The following PLCD3 variants were observed in gnomAD, a reference collection of about 807,000 sequenced individuals.
PLCD3 encodes the protein 1-phosphatidylinositol 4,5-bisphosphate phosphodiesterase delta-3.
A neutral mutation model predicts 82.8 loss-of-function variants in PLCD3; 62 were observed. The observed-to-expected ratio is 0.75, with a 90% CI of 0.61 to 0.93. The LOEUF (loss-of-function observed/expected upper bound fraction) is 0.93. Ranked by LOEUF, PLCD3 falls within the 40% of genes least tolerant of loss-of-function variation. The pLI, the probability that PLCD3 is intolerant of heterozygous loss-of-function variation, is 0.00. For synonymous variants in PLCD3, 478 were observed against 471.8 expected (o/e 1.01, Z -0.17); for missense variants, 1,023 against 1,103.4 (o/e 0.93, Z 1.03).
At chr17:45,130,667 A>G (rs1186765172) in intron 1 of PLCD3, among the ~76,000 whole-genome samples, 1 of 150,896 alleles carries the variant, frequency 6.6e-6, no homozygotes, top group African/African-American at 2.4e-5. Flanking sequence ...TGCCCAACTA[A>G]CTCCTCAGCC....
intron 3 of PLCD3, among the ~76,000 whole-genome samples, 188 bp downstream of exon 3, chr17:45,120,714 G>A (rs1034625281): frequency 1.3e-5 from 2 of 152,176 alleles, no homozygotes; most frequent in Admixed American, 1.3e-4. Context: ...CCTCCTGGTG[G>A]GAGCTTGGGC....
In PLCD3 at chr17:45,115,454, A is replaced by G. The variant is rs713101; in HGVS notation, c.1450T>C (p.Leu484=). The G allele has an allele frequency of 0.56, 902,234 of 1,610,702 alleles. 254,244 individuals carry two copies. Among genetic ancestry groups the G allele is most frequent in the East Asian group, 0.68 (30,334 of 44,750 alleles). ...KGRVLVKGKK[L]PAARSEDGRA... is the part of the protein sequence containing the mutation. ...CCATCCTCGCTCCGAGCAGCGGGCA[A>G]CTTCTTTCCCTTCACCAGGACCCGG... Residue 484 remains leucine, a synonymous_variant, in exon 9 of 15, where the codon TTG becomes CTG. Transcript: ENST00000619929.
At chr17:45,117,774 C>A (rs1354154180) in intron 7 of PLCD3, among the ~76,000 whole-genome samples, 1 of 152,176 alleles carries the variant, frequency 6.6e-6, no homozygotes, top group Non-Finnish European at 1.5e-5. Flanking sequence ...TAGGACATTT[C>A]CCAAATATGA....
At chr17:45,127,969 G>C (rs542987115) in intron 1 of PLCD3, among the ~76,000 whole-genome samples, 6 of 152,184 alleles carry the variant, frequency 3.9e-5, no homozygotes, top group African/African-American at 1.2e-4. Context: ...CTGTGGCCAA[G>C]GCCGAGCAGG....
chr17:45,113,074 C>G (rs981707780), intron 13 of PLCD3, 48 bp downstream of exon 13: 1 of 1,609,752 alleles, frequency 6.2e-7, no homozygotes, highest in African/African-American at 1.3e-5. Context: ...CACCACCCTT[C>G]GCTCTCTGCA....
Position 45,126,347 on chromosome 17 carries a change from A to ATTTTTT in PLCD3, c.164-4981_164-4976dup, listed in dbSNP as rs398030937. ...AGGCATGAGCCACTGCGCCCAGCCTATTTTTTTTTTTTTTTTTTTTTTTTG... is the reference window on the plus strand; with the variant it reads ...AGGCATGAGCCACTGCGCCCAGCCTATTTTTTTTTTTTTTTTTTTTTTTTTTTTTTG... On this transcript the variant is annotated intron_variant, in intron 1 of 14. Coordinates refer to ENST00000619929, the MANE Select transcript of PLCD3 (RefSeq NM_133373.5). Among the ~76,000 whole-genome samples, 72 of 79,066 alleles carry ATTTTTT rather than the reference A, an allele frequency of 9.1e-4. 5 individuals carry two copies. Among genetic ancestry groups the ATTTTTT allele is most frequent in the African/African-American group, 2.2e-3 (37 of 16,624 alleles). The allele number at this position is 79,066 out of a possible 152,430, so 51.9% of individuals were successfully genotyped here. A position where few individuals can be genotyped will look rare whatever the true frequency, so the allele number is the denominator to read the frequency against.
In PLCD3 at chr17:45,132,378, G is replaced by C; in HGVS notation, c.33C>G (p.Arg11=). Residue 11 remains arginine (R), a synonymous_variant, in exon 1 of 15, where the codon CGC becomes CGG. Transcript: ENST00000619929. The surrounding 1 kb of genome is among the most constrained non-coding windows in gnomAD (Gnocchi z 4.6). MLCGRWRRCR[R]PPEEPPVAAQ... is the part of the protein sequence containing the mutation. Reference sequence around the variant, plus strand: ...CGGCCACCGGGGGCTCCTCGGGCGGGCGGCGGCAACGCCTCCAGCGGCCGC... The same window carrying C: ...CGGCCACCGGGGGCTCCTCGGGCGGCCGGCGGCAACGCCTCCAGCGGCCGC... The C allele has an allele frequency of 8.1e-7, 1 of 1,227,894 alleles. No individual in the cohort carries two copies. Among genetic ancestry groups the C allele is most frequent in the South Asian group, 4.1e-5 (1 of 24,318 alleles). 76.1% of individuals were successfully genotyped at this position (1,227,894 alleles called of 1,614,324 possible).
In PLCD3 at chr17:45,116,797, G is replaced by A. The variant is rs2054295650; in HGVS notation, c.1261-13C>T. On this transcript the variant is annotated splice_polypyrimidine_tract_variant and intron_variant, in intron 7 of 14. Coordinates refer to ENST00000619929, the MANE Select transcript of PLCD3 (RefSeq NM_133373.5). ...GGTAAGGGGACAGCTGTGGGGGGAA[G>A]GGCAGCAGCTCAGAGCCACTCCCCT... 2.5e-6 allele frequency: 4 copies of A among 1,577,006 alleles called. No homozygotes were observed. Among genetic ancestry groups the A allele is most frequent in the Non-Finnish European group, 3.4e-6 (4 of 1,159,448 alleles).
rs1232111274 is a variant in PLCD3, at chr17:45,110,886, G to GACAC, written c.*1726_*1729dup. ...CCACTCCCAGCATGAAGGAGCGGGG[G>GACAC]ACACTGCCACTTTCTGCATTAGTTC... On this transcript the variant is annotated 3_prime_UTR_variant, in exon 15 of 15. Transcript: ENST00000619929. 6.6e-6 allele frequency: 1 copy of GACAC among 152,264 alleles called. No homozygotes were observed. The highest frequency in any genetic ancestry group is 2.4e-5 in the African/African-American group (1 of 41,454). The allele number at this position is 152,264 out of a possible 1,614,324, so 9.4% of individuals were successfully genotyped here. A position where few individuals can be genotyped will look rare whatever the true frequency, so the allele number is the denominator to read the frequency against.
In PLCD3 at chr17:45,121,070, A is replaced by G; in HGVS notation, c.386T>C (p.Phe129Ser). The G allele has an allele frequency of 6.5e-7, 1 of 1,542,642 alleles. No homozygotes were observed. The stretch of plus-strand genomic sequence containing the variant: ...GCGCGCTGGCGCGAAGGCACCCCCG[A>G]AGCGCCGCAGGCCCTCGGACTGGTG... Reference protein sequence around the residue: ...EGHQSEGLRRFGGAFAPARCL... With the variant: ...EGHQSEGLRRSGGAFAPARCL... The change falls in exon 3 of 15, where the codon TTC (phenylalanine) becomes TCC (serine). Residue 129 changes from phenylalanine to serine, a missense_variant. Transcript: ENST00000619929.
intron 12 of PLCD3, 75 bp from the exon 13 acceptor site, chr17:45,113,332 AC>A: frequency 1.3e-6 from 2 of 1,550,022 alleles, no homozygotes; most frequent in Non-Finnish European, 1.7e-6. Flanking sequence ...AGCTCACACC[AC>A]CCTCACTTCC....
chr17:45,119,319 G>A (rs372518427), intron 4 of PLCD3, among the ~76,000 whole-genome samples: 16 of 152,282 alleles, frequency 1.1e-4, no homozygotes, highest in African/African-American at 3.6e-4. Flanking sequence ...CTTCCAACGC[G>A]TGATCTCAAG....
At chr17:45,120,548 T>A (rs2054328288) in intron 3 of PLCD3, 94 bp from the exon 4 acceptor site, 1 of 1,542,074 alleles carries the variant, frequency 6.5e-7, no homozygotes, top group African/African-American at 1.4e-5. Context: ...GTCTGGGGGA[T>A]CCCCAGTTTA....
rs2054251837 is a variant in PLCD3, at chr17:45,112,556, G to A, written c.*60C>T. Reference sequence around the variant, plus strand: ...CACCACCTGACTCCAGAGGAGGAGAGGGCTCTGCAGGGGATGTGGACTGGC... The same window carrying A: ...CACCACCTGACTCCAGAGGAGGAGAAGGCTCTGCAGGGGATGTGGACTGGC... On this transcript the variant is annotated 3_prime_UTR_variant, in exon 15 of 15. Transcript: ENST00000619929. The A allele has an allele frequency of 6.7e-7, 1 of 1,487,250 alleles. No individual in the cohort carries two copies. Among genetic ancestry groups the A allele is most frequent in the African/African-American group, 1.4e-5 (1 of 71,786 alleles). The allele number at this position is 1,487,250 out of a possible 1,614,324, so 92.1% of individuals were successfully genotyped here. A position where few individuals can be genotyped will look rare whatever the true frequency, so the allele number is the denominator to read the frequency against.
At chr17:45,127,541 C>A (rs2054390200) in intron 1 of PLCD3, among the ~76,000 whole-genome samples, 1 of 152,158 alleles carries the variant, frequency 6.6e-6, no homozygotes, top group African/African-American at 2.4e-5. Context: ...ACCCTTTTCA[C>A]AGGTGCACCA....
intron 13 of PLCD3, 31 bp downstream of exon 13, chr17:45,113,088 TCCC>T: frequency 1.9e-6 from 3 of 1,611,832 alleles, no homozygotes; most frequent in Non-Finnish European, 1.7e-6. Context: ...CTCTGCAGTC[TCCC>T]CCAACCCCAC....
intron 4 of PLCD3, 27 bp downstream of exon 4, chr17:45,120,298 G>C (rs1032756271): frequency 6.2e-7 from 1 of 1,613,620 alleles, no homozygotes; most frequent in Non-Finnish European, 8.5e-7. Context: ...GCAGAGCCAG[G>C]GGCTGGGGTT....
At chr17:45,123,236 CCTAT>C (rs987698197) in intron 1 of PLCD3, among the ~76,000 whole-genome samples, 4 of 152,202 alleles carry the variant, frequency 2.6e-5, no homozygotes, top group African/African-American at 9.7e-5. Context: ...TTCTCTTCCT[CCTAT>C]CTGAGTCCTT....
intron 1 of PLCD3, among the ~76,000 whole-genome samples, chr17:45,127,645 G>A (rs566961693): frequency 6.4e-4 from 98 of 152,318 alleles, no homozygotes; most frequent in African/African-American, 2.0e-3. Context: ...GGAGACAGGC[G>A]CCAGGGCAGC....
Sources: allele counts gnomAD v4.1 joint callset (sites outside exome capture counted in the v4.1 genomes callset), GRCh38; gene constraint gnomAD v4.1.1; non-coding constraint Gnocchi (gnomAD v3.1); transcripts MANE v1.5; gene names NCBI Gene and HGNC (gene_info 2026-07-23, HGNC 2026-07-21).